Variants in DLC1 observed in about 807,000 individuals in gnomAD.
DLC1 encodes rho GTPase-activating protein 7.
DLC1 carries 54 observed loss-of-function variants against 140.3 expected under a neutral mutation model. That is an observed-to-expected ratio of 0.38 (90% CI 0.31 to 0.48). The LOEUF (loss-of-function observed/expected upper bound fraction) is 0.48, where lower values mean the gene tolerates loss of function less well. Among genes scored for constraint, DLC1 ranks in the 20% least tolerant of loss-of-function variants. The pLI, the probability that DLC1 is intolerant of heterozygous loss-of-function variation, is 0.96. For synonymous variants in DLC1, 986 were observed against 728.1 expected, an observed-to-expected ratio of 1.35 and a Z score of -5.70; for missense variants, 2,536 against 1,907.0, an observed-to-expected ratio of 1.33 and a Z score of -6.14.
At chr8:13,574,999 A>T (rs949875638) in intron 1 of DLC1, among the ~76,000 whole-genome samples, 1 of 152,242 alleles carries the variant, frequency 6.6e-6, no homozygotes, top group Non-Finnish European at 1.5e-5. Context: ...TAAAAGTGAC[A>T]GATGAGAAAT....
chr8:13,396,609 A>C (rs1365437066), intron 3 of DLC1, among the ~76,000 whole-genome samples: 1 of 152,168 alleles, frequency 6.6e-6, no homozygotes, highest in Non-Finnish European at 1.5e-5. Context: ...ACTTGACCAA[A>C]GTCGTATCCC....
At chr8:13,539,228 C>A (rs1437988775) in intron 1 of DLC1, among the ~76,000 whole-genome samples, 1 of 149,416 alleles carries the variant, frequency 6.7e-6, no homozygotes, top group Non-Finnish European at 1.5e-5. Flanking sequence ...GACACAGAGT[C>A]TCGCTCTGTT....
At chr8:13,587,106 A>G (rs1485305763) in intron 1 of DLC1, among the ~76,000 whole-genome samples, 5 of 129,288 alleles carry the variant, frequency 3.9e-5, no homozygotes, top group African/African-American at 1.4e-4. Context: ...ACACACACAC[A>G]TTCATGCATG....
chr8:13,228,377 T>A lies in DLC1; in HGVS notation c.1348+76892A>T, dbSNP rs1045945834. Among the ~76,000 whole-genome samples, 53 of 151,778 alleles carry A rather than the reference T, an allele frequency of 3.5e-4. 1 individual carries two copies. Among genetic ancestry groups the A allele is most frequent in the African/African-American group, 1.3e-3 (53 of 41,432 alleles). Reference sequence around the variant, plus strand: ...GGAGAGATTTCACAAACTATATATTTGATAAAGGAATTGTATATGGAATAC... The same window carrying A: ...GGAGAGATTTCACAAACTATATATTAGATAAAGGAATTGTATATGGAATAC... On this transcript the variant is annotated intron_variant, in intron 5 of 17. Transcript: ENST00000276297.
intron 5 of DLC1, among the ~76,000 whole-genome samples, chr8:13,295,938 CTTTGTTTTTTTTTT>C (rs1831928196): frequency 1.9e-5 from 1 of 53,344 alleles, no homozygotes; most frequent in Non-Finnish European, 3.7e-5. Flanking sequence ...AGATAAGATT[CTTTGTTTTTTTTTT>C]TTTTTTTTTT....
chr8:13,263,915 G>C (rs886353602), intron 5 of DLC1, among the ~76,000 whole-genome samples: 3 of 151,762 alleles, frequency 2.0e-5, no homozygotes, highest in Non-Finnish European at 4.4e-5. Flanking sequence ...TGTGCGCACA[G>C]AGACATTGAC....
intron 5 of DLC1, among the ~76,000 whole-genome samples, chr8:13,188,835 ATATATATATTT>A (rs1563149807): frequency 3.8e-5 from 1 of 26,520 alleles, no homozygotes; most frequent in African/African-American, 1.2e-4. Flanking sequence ...ATGTATATAT[ATATATATATTT>A]TTTTTTTTTT....
intron 5 of DLC1, among the ~76,000 whole-genome samples, chr8:13,167,412 A>G (rs1825178737): frequency 6.6e-6 from 1 of 152,156 alleles, no homozygotes; most frequent in Non-Finnish European, 1.5e-5. Context: ...GATCTGGACC[A>G]TGCCTCCTTT....
intron 2 of DLC1, among the ~76,000 whole-genome samples, chr8:13,468,325 T>TTCCCCTCCCC (rs1800038221): frequency 9.0e-6 from 1 of 111,632 alleles, no homozygotes; most frequent in South Asian, 3.2e-4. Context: ...TTCTCTCTCT[T>TTCCCCTCCCC]TCCCTTCCCC....
rs1175226667 is a variant in DLC1 at position 13,512,969 on chromosome 8, T to C, written c.-126+1633A>G. On this transcript the variant is annotated intron_variant, in intron 1 of 17. Transcript: ENST00000276297. Reference sequence around the variant, plus strand: ...TTAACATTGGTGACAGTTTTACCTTTTTTTTTTTTTTTTTTTAAATTAGAG... The same window carrying C: ...TTAACATTGGTGACAGTTTTACCTTCTTTTTTTTTTTTTTTTAAATTAGAG... 6.3e-3 allele frequency among the ~76,000 whole-genome samples: 18 copies of C among 2,844 alleles called. No individual in the cohort carries two copies. The Non-Finnish European group carries it at 0.15, about 23-fold the overall frequency. 1.9% of individuals were successfully genotyped at this position (2,844 alleles called of 152,430 possible).
intron 5 of DLC1, among the ~76,000 whole-genome samples, chr8:13,202,332 G>A (rs1827433220): frequency 6.6e-6 from 1 of 152,286 alleles, no homozygotes; most frequent in African/African-American, 2.4e-5. Flanking sequence ...GGTACAGTGT[G>A]ATGTTTTGAT....
chr8:13,587,294 A>G (rs1396967608), intron 1 of DLC1, among the ~76,000 whole-genome samples: 2 of 151,948 alleles, frequency 1.3e-5, no homozygotes. Context: ...GCCAAGAAAA[A>G]AAAAAGAGAG....
chr8:13,122,135 G>C (rs891372130), intron 5 of DLC1, among the ~76,000 whole-genome samples: 15 of 152,144 alleles, frequency 9.9e-5, no homozygotes, highest in African/African-American at 3.4e-4. Context: ...CACTGGGCTG[G>C]TTTTATGAAA....
At chr8:13,453,170 T>A (rs1007427347) in intron 2 of DLC1, among the ~76,000 whole-genome samples, 25 of 149,968 alleles carry the variant, frequency 1.7e-4, no homozygotes, top group Non-Finnish European at 4.4e-5. Context: ...AATATATAAT[T>A]ATTCTAAAAA....
At chr8:13,468,838 T>TTTTTTTG in intron 2 of DLC1, among the ~76,000 whole-genome samples, 1 of 144,326 alleles carries the variant, frequency 6.9e-6, no homozygotes, top group Non-Finnish European at 1.5e-5. Context: ...TTTTTTTTTT[T>TTTTTTTG]TAAGATGGAG....
chr8:13,359,865 C>G (rs745332135), intron 4 of DLC1, among the ~76,000 whole-genome samples: 4 of 152,098 alleles, frequency 2.6e-5, no homozygotes, highest in Non-Finnish European at 5.9e-5. Context: ...AGTTCTCATG[C>G]TATTCAGGCC....
intron 1 of DLC1, chr8:13,558,337 T>A (rs183126776): frequency 4.6e-5 from 7 of 152,220 alleles, no homozygotes; most frequent in Admixed American, 2.0e-4. Context: ...AGCCGCCAGT[T>A]TGGGGATGTG....
chr8:13,099,741 G>C lies in DLC1; in HGVS notation c.2596C>G (p.Arg866Gly), dbSNP rs763450150. The change falls in exon 9 of 18, where the codon CGC (arginine) becomes GGC (glycine). Residue 866 changes from arginine to glycine, a missense_variant. Coordinates refer to ENST00000276297, the MANE Select transcript of DLC1 (RefSeq NM_182643.3). ...SSDSPKELKR[R>G]NSSSSMSSRL... ...CTGCTCATGGAGCTGGAAGAATTGCGTCTCTTCAGTTCCTTGGGGCTGTCG... is the reference window on the plus strand; with the variant it reads ...CTGCTCATGGAGCTGGAAGAATTGCCTCTCTTCAGTTCCTTGGGGCTGTCG... 1 of 1,614,018 alleles carries C rather than the reference G, an allele frequency of 6.2e-7. No homozygotes were observed. The highest frequency in any genetic ancestry group is 1.3e-5 in the African/African-American group (1 of 74,916).
chr8:13,192,073 A>G (rs1196093252), intron 5 of DLC1, among the ~76,000 whole-genome samples: 1 of 151,528 alleles, frequency 6.6e-6, no homozygotes, highest in Non-Finnish European at 1.5e-5. Flanking sequence ...TCCCAAGTAG[A>G]CTAGCTGGGA....
Sources: allele counts gnomAD v4.1 joint callset (sites outside exome capture counted in the v4.1 genomes callset), GRCh38; gene constraint gnomAD v4.1.1; transcripts MANE v1.5; gene names NCBI Gene and HGNC (gene_info 2026-07-23, HGNC 2026-07-21).